SMARCA2: variants seen among roughly 807,000 people sequenced by gnomAD.
The protein encoded by SMARCA2 is SWI/SNF-related matrix-associated actin-dependent regulator of chromatin subfamily A member 2.
Under a neutral mutation model 199.8 loss-of-function variants are expected in SMARCA2, and 61 were observed. The ratio of observed to expected loss-of-function variants is 0.31; its 90% confidence interval spans 0.25 to 0.38. The LOEUF is 0.38. Ranked by LOEUF, SMARCA2 falls within the 10% of genes least tolerant of loss-of-function variation. The pLI, the probability that SMARCA2 is intolerant of heterozygous loss-of-function variation, is 1.00. For synonymous variants in SMARCA2, 935 were observed against 732.0 expected, an observed-to-expected ratio of 1.28 and a Z score of -4.48; for missense variants, 1,344 against 2,012.2, an observed-to-expected ratio of 0.67 and a Z score of 6.35.
intron 1 of SMARCA2, among the ~76,000 whole-genome samples, chr9:2,026,365 C>T (rs1288503573): frequency 2.0e-5 from 3 of 152,078 alleles, no homozygotes; most frequent in Non-Finnish European, 2.9e-5. Flanking sequence ...ATTATATGCC[C>T]GTAATTTTCC....
intron 27 of SMARCA2, among the ~76,000 whole-genome samples, chr9:2,134,280 C>T (rs1187996306): frequency 2.6e-5 from 4 of 152,156 alleles, no homozygotes; most frequent in African/African-American, 9.7e-5. Context: ...GAATATGTTA[C>T]AGGACCACAG....
intron 8 of SMARCA2, among the ~76,000 whole-genome samples, chr9:2,060,180 A>T (rs932879856): frequency 7.3e-5 from 11 of 150,608 alleles, no homozygotes; most frequent in African/African-American, 2.4e-4. Flanking sequence ...CCTGTTAACC[A>T]CAAAGTTTGT....
At position 2,104,638 on chromosome 9, in the gene SMARCA2, G is replaced by A. The variant is rs1447404441; in HGVS notation, c.3292+469G>A. 5.3e-5 allele frequency among the ~76,000 whole-genome samples: 8 copies of A among 151,982 alleles called. No homozygotes were observed. Among genetic ancestry groups the A allele is most frequent in the South Asian group, 2.1e-4 (1 of 4,818 alleles). ...AAGCCCCTCTCTTCCTAAATAAGACGTATCCACATGTTACATTGTTAAGAG... is the reference window on the plus strand; with the variant it reads ...AAGCCCCTCTCTTCCTAAATAAGACATATCCACATGTTACATTGTTAAGAG... On this transcript the variant is annotated intron_variant, in intron 23 of 33. Coordinates refer to ENST00000349721, the MANE Select transcript of SMARCA2 (RefSeq NM_003070.5). This position sits in a 1 kb window ranked among gnomAD's most constrained non-coding sequence, Gnocchi z 4.0.
intron 19 of SMARCA2, 51 bp from the exon 20 acceptor site, chr9:2,096,606 A>T: frequency 8.9e-7 from 1 of 1,123,744 alleles, no homozygotes; most frequent in Non-Finnish European, 1.4e-6. Flanking sequence ...TTCTTAGAAC[A>T]GGCGCCTTCT....
chr9:2,113,761 A>C (rs938087742), intron 24 of SMARCA2, among the ~76,000 whole-genome samples: 6 of 151,956 alleles, frequency 3.9e-5, no homozygotes, highest in African/African-American at 1.5e-4. Flanking sequence ...CTGCTTCCTC[A>C]CCTGTTCTAT....
At chr9:2,118,398 C>G (rs957637042) in intron 25 of SMARCA2, among the ~76,000 whole-genome samples, 14 of 152,154 alleles carry the variant, frequency 9.2e-5, no homozygotes, top group Non-Finnish European at 1.5e-5. Context: ...TCCTGCAGTG[C>G]GAAAGACGTT....
intron 8 of SMARCA2, among the ~76,000 whole-genome samples, chr9:2,059,185 G>A (rs774853063): frequency 5.3e-5 from 8 of 152,242 alleles, no homozygotes; most frequent in South Asian, 4.1e-4. Flanking sequence ...TGTGTGTGAT[G>A]TTATAATTAT....
intron 32 of SMARCA2, among the ~76,000 whole-genome samples, chr9:2,189,709 T>C (rs1393679004): frequency 6.6e-6 from 1 of 151,922 alleles, no homozygotes; most frequent in Non-Finnish European, 1.5e-5. Flanking sequence ...AGACAGTGGG[T>C]ATAATAGATA....
chr9:2,189,144 A>G (rs944048758), intron 32 of SMARCA2, among the ~76,000 whole-genome samples: 43 of 152,318 alleles, frequency 2.8e-4, no homozygotes, highest in African/African-American at 9.9e-4. Flanking sequence ...GTAATATAAC[A>G]TATTCAGAGG....
chr9:2,136,811 C>G (rs1824216155), intron 27 of SMARCA2, among the ~76,000 whole-genome samples: 1 of 152,144 alleles, frequency 6.6e-6, no homozygotes, highest in African/African-American at 2.4e-5. Context: ...CCATGAGATG[C>G]TCTGACTTTT....
Position 2,191,415 on chromosome 9 carries a change from G to A in SMARCA2, c.4737+7G>A, listed in dbSNP as rs781421093. 1 of 1,613,922 alleles carries A rather than the reference G, an allele frequency of 6.2e-7. No homozygotes were observed. The highest frequency in any genetic ancestry group is 1.1e-5 in the South Asian group (1 of 91,064). On this transcript the variant is annotated splice_region_variant and intron_variant, in intron 33 of 33. Transcript: ENST00000349721. ...TGAGGAGCAGGATGAACGTGTAAGTGTAGCCGACTGGGACTGAAGGCGGAG... is the reference window on the plus strand; with the variant it reads ...TGAGGAGCAGGATGAACGTGTAAGTATAGCCGACTGGGACTGAAGGCGGAG...
At chr9:2,186,879 A>G (rs945346465) in intron 32 of SMARCA2, among the ~76,000 whole-genome samples, 4 of 152,180 alleles carry the variant, frequency 2.6e-5, no homozygotes, top group Middle Eastern at 3.2e-3. Flanking sequence ...CACATTTTCT[A>G]CAACACTGCT....
chr9:2,131,364 C>T (rs974516977), intron 27 of SMARCA2, among the ~76,000 whole-genome samples: 8 of 152,142 alleles, frequency 5.3e-5, no homozygotes, highest in Admixed American at 3.9e-4. Context: ...AAGCTCCTGG[C>T]GATGAGGGAA....
At chr9:2,053,837 C>T (rs888697746) in intron 5 of SMARCA2, among the ~76,000 whole-genome samples, 2 of 152,102 alleles carry the variant, frequency 1.3e-5, no homozygotes, top group African/African-American at 4.8e-5. Context: ...AGTCAGAGGT[C>T]TTTTATTTTC....
Position 2,123,570 on chromosome 9 carries a change from G to T in SMARCA2, c.3763-149G>T. 2.9e-6 allele frequency: 2 copies of T among 697,750 alleles called. No homozygotes were observed. The highest frequency in any genetic ancestry group is 5.1e-6 in the Non-Finnish European group (2 of 389,126). The allele number at this position is 697,750 out of a possible 1,614,324, so 43.2% of individuals were successfully genotyped here. On this transcript the variant is annotated intron_variant, in intron 26 of 33. Transcript: ENST00000349721. This position sits in a 1 kb window ranked among gnomAD's most constrained non-coding sequence, Gnocchi z 4.1. ...ATGGAATCTCTCCCTAGATATTTAG[G>T]GATGAGCTAGAACAAGCCAACCAGG...
intron 9 of SMARCA2, among the ~76,000 whole-genome samples, chr9:2,065,520 A>G (rs1367250500): frequency 6.6e-6 from 1 of 152,162 alleles, no homozygotes; most frequent in Non-Finnish European, 1.5e-5. Context: ...TGCAGGTTGA[A>G]CCTTCCTGGC....
chr9:2,166,712 C>T (rs1825948261), intron 28 of SMARCA2, among the ~76,000 whole-genome samples: 1 of 152,214 alleles, frequency 6.6e-6, no homozygotes, highest in Non-Finnish European at 1.5e-5. Context: ...GTCTCTGTGA[C>T]ATACCCCTGA....
At chr9:2,175,859 G>GT (rs994560194) in intron 29 of SMARCA2, among the ~76,000 whole-genome samples, 4 of 151,244 alleles carry the variant, frequency 2.6e-5, no homozygotes, top group Non-Finnish European at 5.9e-5. Context: ...GATATCCTCT[G>GT]TTTTTTTGGG....
chr9:2,159,494 GT>G (rs1314613725), intron 27 of SMARCA2: 1 of 228,894 alleles, frequency 4.4e-6, no homozygotes, highest in African/African-American at 2.3e-5. Context: ...AGCATACCTT[GT>G]TTTAATTTTT....
Sources: allele counts gnomAD v4.1 joint callset (sites outside exome capture counted in the v4.1 genomes callset), GRCh38; gene constraint gnomAD v4.1.1; non-coding constraint Gnocchi (gnomAD v3.1); transcripts MANE v1.5; gene names NCBI Gene and HGNC (gene_info 2026-07-23, HGNC 2026-07-21).